PRKN: variants seen among roughly 807,000 people sequenced by gnomAD.
PRKN encodes E3 ubiquitin-protein ligase parkin.
PRKN carries 56 observed loss-of-function variants against 59.5 expected under a neutral mutation model. The observed-to-expected ratio is 0.94, with a 90% CI of 0.76 to 1.18. PRKN has a LOEUF of 1.18. Ranked by LOEUF, PRKN falls within the 50% of genes most tolerant of loss-of-function variation. The pLI is 0.00. For synonymous variants in PRKN, 250 were observed against 222.1 expected (o/e 1.13, Z -1.12); for missense variants, 657 against 596.4 (o/e 1.10, Z -1.06).
chr6:161,864,887 C>A (rs999674384), intron 6 of PRKN, among the ~76,000 whole-genome samples: 2 of 152,252 alleles, frequency 1.3e-5, no homozygotes, highest in Admixed American at 1.3e-4. Flanking sequence ...AACTCCTGAC[C>A]TTGTGATCCG....
intron 4 of PRKN, among the ~76,000 whole-genome samples, chr6:162,077,047 G>A (rs1778858514): frequency 6.6e-6 from 1 of 152,038 alleles, no homozygotes. Context: ...GGAAGAGAGT[G>A]GGCAGGCTGT....
At chr6:162,450,300 TGTGAATATGAACGCCC>T (rs1384579433) in intron 1 of PRKN, among the ~76,000 whole-genome samples, 2 of 121,672 alleles carry the variant, frequency 1.6e-5, no homozygotes, top group African/African-American at 1.0e-4. Flanking sequence ...GTAACACCCC[TGTGAATATGAACGCCC>T]GTGAATGTAA....
chr6:162,695,984 C>T (rs570874667), intron 1 of PRKN, among the ~76,000 whole-genome samples: 4 of 152,136 alleles, frequency 2.6e-5, no homozygotes, highest in South Asian at 4.2e-4. Flanking sequence ...ACAATGGGAA[C>T]GCACACAATG....
At chr6:162,393,218 G>A (rs1285232382) in intron 2 of PRKN, among the ~76,000 whole-genome samples, 1 of 137,326 alleles carries the variant, frequency 7.3e-6, no homozygotes, top group Non-Finnish European at 1.5e-5. Context: ...GGAGTGCAAT[G>A]GTGCACTCTC....
In PRKN at chr6:161,404,017, C is replaced by T. The variant is rs568526218; in HGVS notation, c.1084-17140G>A. Among the ~76,000 whole-genome samples, 3 of 152,250 alleles carry T rather than the reference C, an allele frequency of 2.0e-5. No individual in the cohort carries two copies. The South Asian group carries it at 6.2e-4, about 32-fold the overall frequency. ...ACCCAGTCTGTGGTATTCCATGTAG[C>T]AACAGAGATCATTCTAGGGAGTACT... is the stretch of plus-strand genomic sequence containing the variant. On this transcript the variant is annotated intron_variant, in intron 9 of 11. Coordinates refer to ENST00000366898, the MANE Select transcript of PRKN (RefSeq NM_004562.3).
At chr6:161,824,154 G>A (rs894345827) in intron 6 of PRKN, among the ~76,000 whole-genome samples, 13 of 152,094 alleles carry the variant, frequency 8.5e-5, no homozygotes, top group Admixed American at 2.6e-4. Context: ...CCCACCCAAC[G>A]CCACGAAGTA....
In PRKN at chr6:161,691,343, T is replaced by C. The variant is rs142854256; in HGVS notation, c.871+94429A>G. Among the ~76,000 whole-genome samples the C allele has an allele frequency of 3.7e-4, 57 of 152,312 alleles. 1 individual carries two copies. In the East Asian group the frequency reaches 0.01, roughly 28 times the overall value. On this transcript the variant is annotated intron_variant, in intron 7 of 11. Transcript: ENST00000366898. Reference sequence around the variant, plus strand: ...CCCCTGCAGGCAGCTCTCACCCGGGTTTGCCAGGCTTCATGGCAGGTTCAG... The same window carrying C: ...CCCCTGCAGGCAGCTCTCACCCGGGCTTGCCAGGCTTCATGGCAGGTTCAG...
intron 4 of PRKN, among the ~76,000 whole-genome samples, chr6:162,152,602 G>A (rs1441174487): frequency 6.6e-6 from 1 of 152,224 alleles, no homozygotes; most frequent in African/African-American, 2.4e-5. Context: ...ATCCTCTTGG[G>A]AGGAAGGAAG....
chr6:161,974,923 T>G (rs960994452), intron 5 of PRKN, among the ~76,000 whole-genome samples: 1 of 152,122 alleles, frequency 6.6e-6, no homozygotes, highest in African/African-American at 2.4e-5. Flanking sequence ...ATAAGCAGTA[T>G]GCAAATGAAT....
chr6:162,067,095 G>A (rs138514947), intron 4 of PRKN, among the ~76,000 whole-genome samples: 2,468 of 152,002 alleles, frequency 0.016, 39 homozygotes, highest in Non-Finnish European at 0.026. Flanking sequence ...AATATACATA[G>A]TGCATCTTGA....
At chr6:161,632,000 G>A (rs1783332778) in intron 7 of PRKN, among the ~76,000 whole-genome samples, 1 of 152,168 alleles carries the variant, frequency 6.6e-6, no homozygotes, top group Non-Finnish European at 1.5e-5. Context: ...CCCCCCAGCA[G>A]TACATTAAAA....
At chr6:162,020,345 A>AAAAAAAAAAAAAAAAG (rs1783094639) in intron 5 of PRKN, among the ~76,000 whole-genome samples, 1 of 151,188 alleles carries the variant, frequency 6.6e-6, no homozygotes, top group African/African-American at 2.4e-5. Flanking sequence ...AAAAAAAAAA[A>AAAAAAAAAAAAAAAAG]AAAAAAAAAA....
intron 7 of PRKN, among the ~76,000 whole-genome samples, chr6:161,742,158 C>T (rs925239507): frequency 7.9e-5 from 12 of 151,880 alleles, no homozygotes; most frequent in Non-Finnish European, 1.2e-4. Flanking sequence ...TTAGTAGAGA[C>T]GGGATTTTAC....
intron 7 of PRKN, among the ~76,000 whole-genome samples, chr6:161,597,691 G>A (rs544626106): frequency 6.6e-6 from 1 of 152,206 alleles, no homozygotes; most frequent in East Asian, 1.9e-4. Context: ...TAATTCCAGA[G>A]GTCCTCTCCT....
intron 1 of PRKN, among the ~76,000 whole-genome samples, chr6:162,615,167 T>G (rs998945075): frequency 1.3e-5 from 2 of 152,178 alleles, no homozygotes; most frequent in African/African-American, 4.8e-5. Context: ...TGTCAGCCCA[T>G]ATCAAAAAAA....
intron 4 of PRKN, among the ~76,000 whole-genome samples, 187 bp downstream of exon 4, chr6:162,200,944 G>A (rs1784702922): frequency 6.6e-6 from 1 of 152,186 alleles, no homozygotes; most frequent in Non-Finnish European, 1.5e-5. Context: ...CTTTCACAGA[G>A]CAGAAAGAAA....
intron 7 of PRKN, among the ~76,000 whole-genome samples, chr6:161,614,992 AG>A (rs1376003490): frequency 4.4e-4 from 65 of 148,368 alleles, no homozygotes; most frequent in African/African-American, 1.6e-3. Context: ...AGAGAGAGAG[AG>A]AGAGAGAACA....
chr6:161,887,815 T>C (rs1403156034), intron 6 of PRKN, among the ~76,000 whole-genome samples: 3 of 152,188 alleles, frequency 2.0e-5, no homozygotes, highest in Admixed American at 1.3e-4. Flanking sequence ...TTTTGTCCCA[T>C]TAAGGTCGAT....
At chr6:161,956,157 T>C (rs1451814905) in intron 6 of PRKN, among the ~76,000 whole-genome samples, 1 of 152,186 alleles carries the variant, frequency 6.6e-6, no homozygotes, top group East Asian at 1.9e-4. Context: ...TTTGAAGAAG[T>C]TGAGAGACTG....
Sources: gnomAD v4.1 joint callset for allele counts (sites outside exome capture counted in the v4.1 genomes callset) on GRCh38, gnomAD v4.1.1 for gene constraint, MANE v1.5 for transcripts, NCBI Gene and HGNC (gene_info 2026-07-23, HGNC 2026-07-21) for gene names.